Variants in MBNL2 observed in about 807,000 individuals in gnomAD.
The protein encoded by MBNL2 is muscleblind like splicing regulator 2, also known as muscleblind-like protein 2.
MBNL2 carries 17 observed loss-of-function variants against 41.9 expected under a neutral mutation model. The ratio of observed to expected loss-of-function variants is 0.41; its 90% CI spans 0.28 to 0.61. MBNL2 has a LOEUF of 0.61. MBNL2 is among the 20% of genes least tolerant of loss of function. The pLI is 0.35. For synonymous variants in MBNL2, 195 were observed against 182.9 expected (o/e 1.07, Z -0.53); for missense variants, 336 against 505.6 (o/e 0.66, Z 3.22).
At chr13:97,315,309 C>T (rs562308142) in intron 2 of MBNL2, among the ~76,000 whole-genome samples, 1 of 152,204 alleles carries the variant, frequency 6.6e-6, no homozygotes, top group Non-Finnish European at 1.5e-5. Context: ...AGAGTCTTGG[C>T]TTTTGAAATC....
intron 1 of MBNL2, among the ~76,000 whole-genome samples, chr13:97,261,289 C>T (rs145762133): frequency 3.5e-4 from 53 of 152,222 alleles, no homozygotes; most frequent in African/African-American, 1.2e-3. Flanking sequence ...GGCATGTTCA[C>T]ACTCACACAC....
the MBNL2 span, among the ~76,000 whole-genome samples, chr13:97,169,933 A>G: frequency 1.3e-5 from 2 of 152,324 alleles, no homozygotes; most frequent in East Asian, 3.9e-4. Flanking sequence ...GATGGCTTCA[A>G]TTTAGTGCAT....
intron 2 of MBNL2, among the ~76,000 whole-genome samples, chr13:97,322,541 TG>T (rs1274278167): frequency 1.3e-5 from 2 of 152,218 alleles, no homozygotes; most frequent in African/African-American, 4.8e-5. Context: ...CCATTAACCA[TG>T]GGTTTATCAG....
intron 2 of MBNL2, among the ~76,000 whole-genome samples, chr13:97,323,941 T>G (rs1398749891): frequency 6.6e-6 from 1 of 152,192 alleles, no homozygotes; most frequent in Non-Finnish European, 1.5e-5. Flanking sequence ...ATTATATTCT[T>G]TAAGTTATTT....
intron 1 of MBNL2, among the ~76,000 whole-genome samples, chr13:97,226,189 T>C (rs1458544513): frequency 1.3e-5 from 2 of 152,186 alleles, no homozygotes; most frequent in East Asian, 1.9e-4. Flanking sequence ...CGGCCTCCTC[T>C]GCTGAGAGTA....
At chr13:97,282,050 CAA>C (rs35288409) in intron 2 of MBNL2, among the ~76,000 whole-genome samples, 1 of 146,184 alleles carries the variant, frequency 6.8e-6, no homozygotes, top group Admixed American at 6.8e-5. Flanking sequence ...TGTTGAGGTC[CAA>C]AAAAAAAAAA....
chr13:97,233,676 T>G (rs1375125130), intron 1 of MBNL2, among the ~76,000 whole-genome samples: 1 of 148,848 alleles, frequency 6.7e-6, no homozygotes, highest in Admixed American at 6.7e-5. Context: ...GTTTCCCTGT[T>G]TTTTTTTTTT....
chr13:97,237,181 A>T lies in MBNL2; in HGVS notation c.-605+14650A>T, dbSNP rs1488761331. 2.0e-5 allele frequency among the ~76,000 whole-genome samples: 3 copies of T among 152,314 alleles called. No homozygotes were observed. In the East Asian group the frequency reaches 5.8e-4, roughly 29 times the overall value. ...AAGCACGAGTTACCAAATTCATTGG[A>T]CCTCTGGTTTCTTGTGCCCACCTCT... is the stretch of plus-strand genomic sequence containing the variant. On this transcript the variant is annotated intron_variant, in intron 1 of 8. Coordinates refer to ENST00000679496, the MANE Select transcript of MBNL2 (RefSeq NM_001382683.1).
intron 1 of MBNL2, among the ~76,000 whole-genome samples, chr13:97,242,729 A>G (rs755796282): frequency 2.6e-5 from 4 of 151,106 alleles, no homozygotes; most frequent in African/African-American, 4.9e-5. Flanking sequence ...CCTAAGAAAC[A>G]TTAAAAGAGC....
chr13:97,166,316 CCTTTAT>C, the MBNL2 span, among the ~76,000 whole-genome samples: 1 of 152,138 alleles, frequency 6.6e-6, no homozygotes. Flanking sequence ...TAGTGGATCC[CCTTTAT>C]CTTTACCTTA....
At chr13:97,361,238 A>AACAAG (rs1292697011) in intron 7 of MBNL2, among the ~76,000 whole-genome samples, 1 of 152,238 alleles carries the variant, frequency 6.6e-6, no homozygotes, top group African/African-American at 2.4e-5. Context: ...GATATGGAGA[A>AACAAG]ACAAGACTTT....
At chr13:97,226,134 C>T (rs971113909) in intron 1 of MBNL2, among the ~76,000 whole-genome samples, 3 of 152,204 alleles carry the variant, frequency 2.0e-5, no homozygotes, top group East Asian at 3.9e-4. Flanking sequence ...CCTGGGCCTC[C>T]GACTGCACGG....
intron 2 of MBNL2, among the ~76,000 whole-genome samples, chr13:97,277,385 G>C (rs1055461124): frequency 2.0e-5 from 3 of 152,150 alleles, no homozygotes; most frequent in Admixed American, 6.5e-5. Context: ...CAAGACTTCA[G>C]CAAGGTTACC....
At chr13:97,312,697 A>G (rs2058717150) in intron 2 of MBNL2, among the ~76,000 whole-genome samples, 1 of 152,226 alleles carries the variant, frequency 6.6e-6, no homozygotes, top group African/African-American at 2.4e-5. Flanking sequence ...ACTTAGATTC[A>G]TTTTATTACT....
intron 5 of MBNL2, among the ~76,000 whole-genome samples, chr13:97,355,078 A>G (rs2062869917): frequency 6.6e-6 from 1 of 152,236 alleles, no homozygotes; most frequent in African/African-American, 2.4e-5. Context: ...TGGAAGTTAC[A>G]TGATGTCAAA....
At chr13:97,147,402 G>C in the MBNL2 span, among the ~76,000 whole-genome samples, 1 of 152,110 alleles carries the variant, frequency 6.6e-6, no homozygotes, top group Admixed American at 6.5e-5. Flanking sequence ...ACCAAGCACT[G>C]TAACTTTGGC....
the MBNL2 span, among the ~76,000 whole-genome samples, chr13:97,190,746 C>T: frequency 2.0e-5 from 3 of 152,116 alleles, no homozygotes; most frequent in Admixed American, 1.3e-4. Flanking sequence ...GGGATGACTC[C>T]GGTCATGGTG....
At chr13:97,389,781 TA>T (rs764111367) in intron 8 of MBNL2, among the ~76,000 whole-genome samples, 1 of 152,000 alleles carries the variant, frequency 6.6e-6, no homozygotes, top group African/African-American at 2.4e-5. Flanking sequence ...ACTTTTTTTT[TA>T]AAAGTAAAAG....
At chr13:97,218,440 C>CAAAACAAAACAAACA (rs55815508), upstream of MBNL2, among the ~76,000 whole-genome samples, 235 of 117,970 alleles carry the variant, frequency 2.0e-3, 2 homozygotes, top group Non-Finnish European at 2.9e-3. Flanking sequence ...CAAAACAAAA[C>CAAAACAAAACAAACA]AAAAAAAAAA....
Sources: gnomAD v4.1 joint callset for allele counts (sites outside exome capture counted in the v4.1 genomes callset) on GRCh38, gnomAD v4.1.1 for gene constraint, MANE v1.5 for transcripts, NCBI Gene and HGNC (gene_info 2026-07-23, HGNC 2026-07-21) for gene names.